Variants in TENM1 observed in about 807,000 individuals in gnomAD.
TENM1 encodes the protein teneurin transmembrane protein 1, also known as teneurin-1.
Under a neutral mutation model 174.8 loss-of-function variants are expected in TENM1, and 35 were observed. The observed-to-expected ratio is 0.20, with a 90% confidence interval of 0.15 to 0.27. The LOEUF (loss-of-function observed/expected upper bound fraction) is 0.27. Ranked by LOEUF, TENM1 falls within the 10% of genes least tolerant of loss-of-function variation. TENM1 has a pLI of 1.00. For missense variants in TENM1, 1,633 were observed against 2,130.1 expected (o/e 0.77, Z 4.59); for synonymous variants, 781 against 798.7 (o/e 0.98, Z 0.37).
intron 16 of TENM1, among the ~76,000 whole-genome samples, chrX:124,527,304 C>A (rs2047997411): frequency 8.9e-6 from 1 of 112,057 alleles, no homozygotes; most frequent in African/African-American, 3.2e-5. Flanking sequence ...CACCATCCTT[C>A]CTTCTGCTTT....
At chrX:124,581,271 T>C (rs2049302609) in intron 11 of TENM1, among the ~76,000 whole-genome samples, 1 of 110,071 alleles carries the variant, frequency 9.1e-6, no homozygotes, top group African/African-American at 3.3e-5. Context: ...TTCACCATGT[T>C]AGGTAGGATG....
chrX:124,508,604 G>A (rs1050005412), intron 18 of TENM1, among the ~76,000 whole-genome samples: 2 of 112,040 alleles, frequency 1.8e-5, no homozygotes, highest in South Asian at 3.7e-4. Flanking sequence ...TGAAGAGAAA[G>A]TACAGGTAGG....
chrX:124,903,171 C>A (rs1054371977), intron 1 of TENM1, among the ~76,000 whole-genome samples: 2 of 111,471 alleles, frequency 1.8e-5, no homozygotes, highest in African/African-American at 6.5e-5. Context: ...CACTCAGGAC[C>A]TACTAATTAT....
intron 11 of TENM1, among the ~76,000 whole-genome samples, chrX:124,632,114 T>C (rs1403920345): frequency 8.3e-5 from 9 of 108,214 alleles, no homozygotes; most frequent in Non-Finnish European, 1.3e-4. Flanking sequence ...GGTTTCACCA[T>C]GTTGGTCAGG....
At chrX:125,150,039 A>G in the TENM1 span, among the ~76,000 whole-genome samples, 4 of 111,466 alleles carry the variant, frequency 3.6e-5, no homozygotes, top group African/African-American at 1.3e-4. Flanking sequence ...GGATAAGAGA[A>G]TTAATGAGGA....
chrX:124,930,688 G>T (rs998716149), intron 1 of TENM1, among the ~76,000 whole-genome samples: 1 of 111,559 alleles, frequency 9.0e-6, no homozygotes, highest in Non-Finnish European at 1.9e-5. Flanking sequence ...ACACTGTGGG[G>T]GCTTGATAAA....
chrX:125,159,935 C>T, the TENM1 span, among the ~76,000 whole-genome samples: 1 of 111,463 alleles, frequency 9.0e-6, no homozygotes, highest in Non-Finnish European at 1.9e-5. Flanking sequence ...CATGGTGGCT[C>T]ACGCCTGTAA....
chrX:124,957,578 C>CAAAAA (rs1225936775), intron 1 of TENM1, among the ~76,000 whole-genome samples: 3 of 31,036 alleles, frequency 9.7e-5, no homozygotes, highest in African/African-American at 2.2e-4. Flanking sequence ...AACTCCAACT[C>CAAAAA]AAAAAAAAAA....
intron 3 of TENM1, among the ~76,000 whole-genome samples, chrX:124,788,965 T>C (rs2055110953): frequency 8.9e-6 from 1 of 112,345 alleles, no homozygotes. Context: ...CACACTGCCC[T>C]AGCAGAGGTT....
chrX:124,677,010 T>C (rs1031034986), intron 5 of TENM1, among the ~76,000 whole-genome samples: 2 of 110,680 alleles, frequency 1.8e-5, no homozygotes, highest in African/African-American at 6.5e-5. Flanking sequence ...CTAGTCAGAG[T>C]TGAAGACTTG....
chrX:124,442,316 T>G (rs1038910946), intron 23 of TENM1, among the ~76,000 whole-genome samples: 7 of 112,234 alleles, frequency 6.2e-5, no homozygotes, highest in African/African-American at 1.9e-4. Context: ...CCCTGGGAGA[T>G]CCCTTTATTC....
rs150671750 is a variant in TENM1, at chrX:124,842,373, A to C, written c.535+51923T>G. Among the ~76,000 whole-genome samples the C allele has an allele frequency of 3.5e-3, 387 of 111,506 alleles. 4 individuals carry two copies. The highest frequency in any genetic ancestry group is 0.012 in the African/African-American group (367 of 30,754). Reference sequence around the variant, plus strand: ...CAATCAAAGTCAATATGCGCATGTCACCCACCTTTACTCACAAGCAGCAGG... The same window carrying C: ...CAATCAAAGTCAATATGCGCATGTCCCCCACCTTTACTCACAAGCAGCAGG... On this transcript the variant is annotated intron_variant, in intron 3 of 31. Coordinates refer to ENST00000422452, the Ensembl canonical transcript of TENM1.
chrX:124,968,481 CGAGA>C (rs770582626), upstream of TENM1, among the ~76,000 whole-genome samples: 162 of 111,031 alleles, frequency 1.5e-3, 1 homozygote, highest in African/African-American at 5.0e-3. Context: ...TTATTTGTAA[CGAGA>C]GAGAGAGAAA....
chrX:124,498,624 T>A (rs759873724), intron 19 of TENM1, among the ~76,000 whole-genome samples: 1 of 108,671 alleles, frequency 9.2e-6, no homozygotes, highest in East Asian at 2.9e-4. Flanking sequence ...GCCTTCCTCA[T>A]CTTGTCTGCT....
intron 4 of TENM1, among the ~76,000 whole-genome samples, chrX:124,710,723 T>C (rs2053027701): frequency 8.9e-6 from 1 of 112,397 alleles, no homozygotes; most frequent in Non-Finnish European, 1.9e-5. Context: ...GATAATAAAA[T>C]GAGTTCATGT....
chrX:124,386,455 C>T (rs191028745), intron 28 of TENM1, among the ~76,000 whole-genome samples: 10 of 111,011 alleles, frequency 9.0e-5, no homozygotes, highest in Non-Finnish European at 1.3e-4. Flanking sequence ...GGCAGGGAGC[C>T]GGGGGCAGGG....
the TENM1 span, among the ~76,000 whole-genome samples, chrX:125,201,123 G>T: frequency 8.9e-6 from 1 of 111,973 alleles, no homozygotes; most frequent in Non-Finnish European, 1.9e-5. Flanking sequence ...AAGTAATATT[G>T]TATAGAATAA....
At chrX:124,561,704 T>C in exon 14 of TENM1, 1 of 1,211,256 alleles carries the variant, frequency 8.3e-7, no homozygotes, top group African/African-American at 1.7e-5. Context: ...CCACAAAGCA[T>C]TTCCATGACA....
exon 32 of TENM1, chrX:124,376,221 T>C (rs777356814): frequency 1.9e-4 from 21 of 112,391 alleles, no homozygotes; most frequent in African/African-American, 6.5e-4. Flanking sequence ...AACCTCTACC[T>C]GTTGTTATAC....
Sources: allele counts gnomAD v4.1 joint callset (sites outside exome capture counted in the v4.1 genomes callset), GRCh38; gene constraint gnomAD v4.1.1; transcripts MANE v1.5; gene names NCBI Gene and HGNC (gene_info 2026-07-23, HGNC 2026-07-21).